CCDC7: variants seen among roughly 807,000 people sequenced by gnomAD.
CCDC7 encodes the protein coiled-coil domain containing 7.
CCDC7 carries 183 observed loss-of-function variants against 196.9 expected under a neutral mutation model. The observed-to-expected ratio is 0.93, with a 90% CI of 0.82 to 1.05. The LOEUF is 1.05. Among genes scored for constraint, CCDC7 ranks in the 50% least tolerant of loss-of-function variants. The pLI, the probability that CCDC7 is intolerant of heterozygous loss-of-function variation, is 0.00. For synonymous variants in CCDC7, 525 were observed against 484.6 expected (o/e 1.08, Z -1.10); for missense variants, 1,540 against 1,482.2 (o/e 1.04, Z -0.64).
rs189333979 is a variant in CCDC7, at chr10:32,790,624, C to T, written c.3013+11540C>T. Among the ~76,000 whole-genome samples the T allele has an allele frequency of 2.0e-5, 3 of 152,312 alleles. No homozygotes were observed. The East Asian group carries it at 5.8e-4, about 29-fold the overall frequency. On this transcript the variant is annotated intron_variant, in intron 29 of 41. Transcript: ENST00000639629. ...CCACTGTGGTCTGTTGGCTCTAGAA[C>T]TCAAATTGCAGCTGTGCCCTTCTCC...
chr10:32,800,921 CGT>C (rs1565541879), intron 29 of CCDC7, among the ~76,000 whole-genome samples: 1 of 152,098 alleles, frequency 6.6e-6, no homozygotes, highest in Non-Finnish European at 1.5e-5. Context: ...CTAGAAACAC[CGT>C]GATTAATTAG....
At chr10:32,724,335 T>C (rs746384112) in intron 25 of CCDC7, among the ~76,000 whole-genome samples, 2 of 152,152 alleles carry the variant, frequency 1.3e-5, no homozygotes, top group Admixed American at 1.3e-4. Context: ...GCAGTGTATT[T>C]ACTGGTCAAC....
At chr10:32,845,490 G>A (rs1439205165) in intron 34 of CCDC7, 53 bp from the exon 36 acceptor site, 19 of 1,436,270 alleles carry the variant, frequency 1.3e-5, no homozygotes, top group Non-Finnish European at 1.5e-5. Context: ...ACACACACAA[G>A]TATGGTAATG....
At chr10:32,820,071 T>A (rs938245970) in intron 31 of CCDC7, among the ~76,000 whole-genome samples, 2 of 152,190 alleles carry the variant, frequency 1.3e-5, no homozygotes, top group Non-Finnish European at 2.9e-5. Flanking sequence ...AAAACCCCAC[T>A]GTCTCAGTCC....
chr10:32,545,401 T>C (rs1054318569), intron 13 of CCDC7, among the ~76,000 whole-genome samples: 1 of 152,126 alleles, frequency 6.6e-6, no homozygotes, highest in Admixed American at 6.6e-5. Flanking sequence ...AACCAAGGAG[T>C]TATACCCAGT....
chr10:32,701,944 A>C (rs1319355377), intron 24 of CCDC7, among the ~76,000 whole-genome samples: 3 of 151,968 alleles, frequency 2.0e-5, no homozygotes, highest in Non-Finnish European at 4.4e-5. Context: ...CGGTCTGTCA[A>C]TTTTGTTGGT....
chr10:32,717,831 G>A (rs1268022572), intron 25 of CCDC7, among the ~76,000 whole-genome samples: 1 of 145,184 alleles, frequency 6.9e-6, no homozygotes, highest in Non-Finnish European at 1.5e-5. Context: ...AAACCAGGAA[G>A]AAGTTGAATC....
intron 11 of CCDC7, among the ~76,000 whole-genome samples, chr10:32,533,388 A>G (rs1414219512): frequency 2.0e-5 from 3 of 151,870 alleles, no homozygotes; most frequent in African/African-American, 7.3e-5. Flanking sequence ...TTTTTGATAG[A>G]CTTGTCTTTG....
At chr10:32,635,777 T>C (rs1045631243) in intron 20 of CCDC7, among the ~76,000 whole-genome samples, 2 of 152,116 alleles carry the variant, frequency 1.3e-5, no homozygotes, top group African/African-American at 4.8e-5. Context: ...GTGTTTTTTT[T>C]TTCTGTATCT....
intron 29 of CCDC7, among the ~76,000 whole-genome samples, chr10:32,788,953 C>A (rs867502888): frequency 6.6e-6 from 1 of 152,200 alleles, no homozygotes; most frequent in East Asian, 1.9e-4. Flanking sequence ...CTAGGCCCAA[C>A]CTGGTAGACT....
At chr10:32,567,477 C>T (rs7905485) in intron 14 of CCDC7, among the ~76,000 whole-genome samples, 193 bp from the exon 16 acceptor site, 38,173 of 151,968 alleles carry the variant, frequency 0.25, 5,386 homozygotes, top group South Asian at 0.44. Context: ...GAGGTTTCTT[C>T]ACAACTTCTG....
At chr10:32,879,748 CCT>C (rs1441630430), downstream of CCDC7, among the ~76,000 whole-genome samples, 6 of 147,040 alleles carry the variant, frequency 4.1e-5, no homozygotes, top group Non-Finnish European at 6.0e-5. Context: ...TGTTCCCCTC[CCT>C]GTGTCCATGC....
At chr10:32,697,480 G>A (rs773869911) in intron 24 of CCDC7, among the ~76,000 whole-genome samples, 45 of 152,304 alleles carry the variant, frequency 3.0e-4, no homozygotes, top group South Asian at 2.5e-3. Flanking sequence ...TTAATACAGC[G>A]CTTTTCCAAT....
intron 18 of CCDC7, among the ~76,000 whole-genome samples, chr10:32,600,612 G>A (rs951358109): frequency 6.6e-6 from 1 of 152,102 alleles, no homozygotes; most frequent in African/African-American, 2.4e-5. Context: ...ATAGCCTAGA[G>A]AACCTCTGCT....
chr10:32,646,083 CT>C (rs150433749), intron 20 of CCDC7, among the ~76,000 whole-genome samples: 30 of 136,046 alleles, frequency 2.2e-4, no homozygotes, highest in African/African-American at 3.5e-4. Context: ...TCGGATTGTT[CT>C]TTTTTTTTTA....
At chr10:32,449,668 G>C (rs1033413544), upstream of CCDC7, among the ~76,000 whole-genome samples, 1 of 152,096 alleles carries the variant, frequency 6.6e-6, no homozygotes, top group Non-Finnish European at 1.5e-5. Context: ...ATTTGTTTTC[G>C]AAGTGCTAAA....
chr10:32,630,910 C>T (rs960250104), intron 18 of CCDC7, among the ~76,000 whole-genome samples: 2 of 152,262 alleles, frequency 1.3e-5, no homozygotes, highest in Non-Finnish European at 2.9e-5. Context: ...GGCTTATATT[C>T]ATTTTCATTA....
rs996592110 is a variant in CCDC7, at chr10:32,640,870, T to C, written c.2014+5712T>C. 1.8e-4 allele frequency among the ~76,000 whole-genome samples: 14 copies of C among 76,620 alleles called. 1 individual carries two copies. The highest frequency in any genetic ancestry group is 1.9e-4 in the African/African-American group (6 of 32,022). 50.3% of individuals were successfully genotyped at this position (76,620 alleles called of 152,430 possible). On this transcript the variant is annotated intron_variant, in intron 20 of 41. Transcript: ENST00000639629. ...CTTCTGGCTTGTAGATTTTCTTTTT[T>C]TTTTTCTTTTTTTTTTTATTATACT... is the stretch of plus-strand genomic sequence containing the variant.
rs560147234 is a variant in CCDC7, at chr10:32,874,674, TACAC to T, written c.4112-1663_4112-1660del. The stretch of plus-strand genomic sequence containing the variant: ...GTGTGTATGTATATATATATATACA[TACAC>T]ACACACACATACACACATATGTATG... On this transcript the variant is annotated intron_variant, in intron 41 of 41. Coordinates refer to ENST00000639629, the Ensembl canonical transcript of CCDC7. Among the ~76,000 whole-genome samples, 6 of 149,108 alleles carry T rather than the reference TACAC, an allele frequency of 4.0e-5. No individual in the cohort carries two copies. The South Asian group carries it at 6.3e-4, about 16-fold the overall frequency.
Sources: gnomAD v4.1 joint callset for allele counts (sites outside exome capture counted in the v4.1 genomes callset) on GRCh38, gnomAD v4.1.1 for gene constraint, MANE v1.5 for transcripts, NCBI Gene and HGNC (gene_info 2026-07-23, HGNC 2026-07-21) for gene names.